TDRD9: variants seen among roughly 807,000 people sequenced by gnomAD.
TDRD9 encodes the protein ATP-dependent RNA helicase TDRD9.
Under a neutral mutation model 172.6 loss-of-function variants are expected in TDRD9, and 124 were observed. The ratio of observed to expected loss-of-function variants is 0.72; its 90% CI spans 0.62 to 0.83. TDRD9 has a LOEUF of 0.83. Among genes scored for constraint, TDRD9 ranks in the 40% least tolerant of loss-of-function variants. The pLI, the probability that TDRD9 is intolerant of heterozygous loss-of-function variation, is 0.00. For missense variants in TDRD9, 1,479 were observed against 1,714.1 expected (o/e 0.86, Z 2.42); for synonymous variants, 619 against 617.1 (o/e 1.00, Z -0.05).
chr14:103,994,460 A>G lies in TDRD9; in HGVS notation c.1236-59A>G, dbSNP rs2033983681. 2.5e-6 allele frequency: 4 copies of G among 1,604,466 alleles called. No homozygotes were observed. In the East Asian group the frequency reaches 8.9e-5, roughly 36 times the overall value. On this transcript the variant is annotated intron_variant, in intron 10 of 35. Coordinates refer to ENST00000409874, the MANE Select transcript of TDRD9 (RefSeq NM_153046.3). ...TCTGCCTTAAATTATCTCAGTATTT[A>G]TTTTTGTATCTCATGTATATCTATT...
chr14:103,990,891 T>G (rs182167265), intron 8 of TDRD9, among the ~76,000 whole-genome samples: 76 of 152,360 alleles, frequency 5.0e-4, no homozygotes, highest in Non-Finnish European at 8.5e-4. Flanking sequence ...TTACAATAAC[T>G]AAATTTCAAG....
At chr14:103,974,041 C>A (rs1248043222) in intron 6 of TDRD9, among the ~76,000 whole-genome samples, 6 of 151,964 alleles carry the variant, frequency 3.9e-5, no homozygotes, top group Admixed American at 2.0e-4. Flanking sequence ...CTACAAAAAA[C>A]AGTCACAAAA....
intron 6 of TDRD9, 38 bp from the exon 7 acceptor site, chr14:103,975,351 C>G: frequency 6.3e-7 from 1 of 1,580,908 alleles, no homozygotes; most frequent in South Asian, 1.2e-5. Flanking sequence ...TGTGATGATT[C>G]TCATTGTTTT....
intron 2 of TDRD9, among the ~76,000 whole-genome samples, chr14:103,956,378 C>T (rs1035364847): frequency 1.3e-5 from 2 of 151,572 alleles, no homozygotes; most frequent in African/African-American, 2.4e-5. Context: ...GCAGAGATTA[C>T]AGTGAGCCAA....
intron 34 of TDRD9, among the ~76,000 whole-genome samples, chr14:104,047,181 G>C (rs2035806059): frequency 6.6e-6 from 1 of 152,098 alleles, no homozygotes; most frequent in Non-Finnish European, 1.5e-5. Context: ...TACTGTTTTA[G>C]AATTTTCAGT....
rs1566784164 is a variant in TDRD9, at chr14:104,014,753, C to T, written c.2135C>T (p.Thr712Ile). 1 of 1,610,556 alleles carries T rather than the reference C, an allele frequency of 6.2e-7. No individual in the cohort carries two copies. Among genetic ancestry groups the T allele is most frequent in the African/African-American group, 1.3e-5 (1 of 74,990 alleles). ...EVAELYEELK[T>I]RISQFNMHVD... ...GCTGAATTATATGAAGAATTGAAGA[C>T]TAGAATCTCACAGTTCAACATGCAT... Residue 712 changes from threonine (T) to isoleucine (I), a missense_variant, in exon 21 of 36, where the codon ACT becomes ATT. Coordinates refer to ENST00000409874, the MANE Select transcript of TDRD9 (RefSeq NM_153046.3).
chr14:104,005,451 G>C, intron 15 of TDRD9, 46 bp downstream of exon 15: 2 of 1,604,286 alleles, frequency 1.2e-6, no homozygotes, highest in Non-Finnish European at 1.7e-6. Flanking sequence ...GTAGAGCTGT[G>C]TTCTACTGTG....
At chr14:103,991,015 TG>T (rs1395153382) in intron 8 of TDRD9, 144 bp from the exon 9 acceptor site, 1 of 936,324 alleles carries the variant, frequency 1.1e-6, no homozygotes, top group African/African-American at 1.7e-5. Context: ...TTGGGCTTCG[TG>T]TTTTCTTATG....
At chr14:103,991,284 G>A in intron 9 of TDRD9, 60 bp downstream of exon 9, 3 of 1,552,374 alleles carry the variant, frequency 1.9e-6, no homozygotes, top group South Asian at 1.1e-5. Flanking sequence ...GGCTAAGTTT[G>A]TGCCTAACAC....
Position 103,965,462 on chromosome 14 carries a change from G to A in TDRD9, c.550G>A (p.Val184Ile), listed in dbSNP as rs1323954589. ...VQRSAYCSIV[V>I]TQPRKIGASS... ...GCGCTCCGCCTACTGCAGCATTGTG[G>A]TCACCCAGCCCCGGAAGATAGGGGC... is the stretch of plus-strand genomic sequence containing the variant. Residue 184 changes from valine to isoleucine, a missense_variant, in exon 4 of 36, where the codon GTC (valine) becomes ATC (isoleucine). Around this residue, in one of 3 missense-constraint regions of TDRD9, gnomAD observed 1,413 missense variants for 1,649.1 expected, o/e 0.86. Transcript: ENST00000409874. 1 of 1,549,380 alleles carries A rather than the reference G, an allele frequency of 6.5e-7. No homozygotes were observed. Among genetic ancestry groups the A allele is most frequent in the Non-Finnish European group, 8.7e-7 (1 of 1,146,870 alleles).
At chr14:104,036,045 T>C (rs560998505) in intron 32 of TDRD9, among the ~76,000 whole-genome samples, 2 of 152,228 alleles carry the variant, frequency 1.3e-5, no homozygotes, top group East Asian at 3.9e-4. Context: ...TAGAAAAAGC[T>C]GAATGGGAAA....
At chr14:103,947,261 C>T (rs2031609437) in intron 1 of TDRD9, among the ~76,000 whole-genome samples, 3 of 152,080 alleles carry the variant, frequency 2.0e-5, no homozygotes, top group Admixed American at 6.6e-5. Context: ...AGGGTGCCAA[C>T]ACCAATTAAG....
At chr14:103,941,378 G>C (rs1213776760) in intron 1 of TDRD9, 2 of 1,511,386 alleles carry the variant, frequency 1.3e-6, no homozygotes, top group Non-Finnish European at 1.8e-6. Flanking sequence ...GGAATCATAA[G>C]AGAACATAGT....
intron 21 of TDRD9, 37 bp downstream of exon 21, chr14:104,014,878 T>C: frequency 8.0e-7 from 1 of 1,246,092 alleles, no homozygotes; most frequent in Non-Finnish European, 1.2e-6. Flanking sequence ...TTTTCCTGAT[T>C]CTTTCTGCTT....
At chr14:103,930,713 T>C (rs1403153605) in intron 1 of TDRD9, among the ~76,000 whole-genome samples, 1 of 152,192 alleles carries the variant, frequency 6.6e-6, no homozygotes, top group African/African-American at 2.4e-5. Context: ...CTTGAGCTAC[T>C]CTGGTAAATG....
intron 1 of TDRD9, among the ~76,000 whole-genome samples, chr14:103,950,090 C>CTTT (rs58379140): frequency 0.017 from 1,798 of 108,430 alleles, 106 homozygotes; most frequent in African/African-American, 0.057. Context: ...TCCTTCCTTC[C>CTTT]TTTTTTTTTT....
rs758004054 is a variant in TDRD9, at chr14:104,032,043, T to A, written c.3465T>A (p.Pro1155=). Residue 1155 remains proline (P), a synonymous_variant, in exon 30 of 36, where the codon CCT becomes CCA. Coordinates refer to ENST00000409874, the MANE Select transcript of TDRD9 (RefSeq NM_153046.3). ...CKAELHGPFN[P]YELKCHSLTR... ...CAGAACTTCACGGGCCTTTTAACCC[T>A]TATGAACTAAAGTGCCATAGTTTGA... 9 of 1,549,346 alleles carry A rather than the reference T, an allele frequency of 5.8e-6. No individual in the cohort carries two copies. The highest frequency in any genetic ancestry group is 7.0e-6 in the Non-Finnish European group (8 of 1,146,394).
rs561909599 is a variant in TDRD9 at position 103,999,329 on chromosome 14, A to G, written c.1483+601A>G. 4.6e-5 allele frequency among the ~76,000 whole-genome samples: 7 copies of G among 152,328 alleles called. No individual in the cohort carries two copies. In the South Asian group the frequency reaches 6.2e-4, roughly 14 times the overall value. ...GTTAAAAAATTATTGGTGAAGAACTATGGACACCAAGTGGATCACTTCAGT... is the reference window on the plus strand; with the variant it reads ...GTTAAAAAATTATTGGTGAAGAACTGTGGACACCAAGTGGATCACTTCAGT... On this transcript the variant is annotated intron_variant, in intron 13 of 35. Transcript: ENST00000409874.
At position 103,939,743 on chromosome 14, in the gene TDRD9, G is replaced by GTTTTTTTTTTTTTTTTTTTTTTTT. The variant is rs371934680; in HGVS notation, c.215+11040_215+11041insTTTTTTTTTTTTTTTTTTTTTTTT. ...AGTTCTAGTCTTTTTGAAAAAAAGT[G>GTTTTTTTTTTTTTTTTTTTTTTTT]TTTTTTTTTTTTTTTTTTTTTGAGA... On this transcript the variant is annotated intron_variant, in intron 1 of 35. Transcript: ENST00000409874. The GTTTTTTTTTTTTTTTTTTTTTTTT allele has an allele frequency of 2.9e-4, 5 of 17,438 alleles. 1 individual carries two copies. Among genetic ancestry groups the GTTTTTTTTTTTTTTTTTTTTTTTT allele is most frequent in the Non-Finnish European group, 6.0e-4 (5 of 8,292 alleles). The allele number at this position is 17,438 out of a possible 1,614,324, so 1.1% of individuals were successfully genotyped here.
Sources: gnomAD v4.1 joint callset for allele counts (sites outside exome capture counted in the v4.1 genomes callset) on GRCh38, gnomAD v4.1.1 for gene constraint, gnomAD v4.1.1 regional missense constraint, MANE v1.5 for transcripts, NCBI Gene and HGNC (gene_info 2026-07-23, HGNC 2026-07-21) for gene names.